MARCHF8: variants seen among roughly 807,000 people sequenced by gnomAD.
MARCHF8 encodes the protein membrane associated ring-CH-type finger 8.
A neutral mutation model predicts 51.6 loss-of-function variants in MARCHF8; 40 were observed. The ratio of observed to expected loss-of-function variants is 0.77; its 90% CI spans 0.60 to 1.01. MARCHF8 has a LOEUF of 1.01. Ranked by LOEUF, MARCHF8 falls within the 50% of genes least tolerant of loss-of-function variation. The pLI, the probability that MARCHF8 is intolerant of heterozygous loss-of-function variation, is 0.00. For missense variants in MARCHF8, 685 were observed against 708.6 expected (o/e 0.97, Z 0.38); for synonymous variants, 263 against 280.3 (o/e 0.94, Z 0.62).
chr10:45,555,919 G>C (rs1057152442), intron 1 of MARCHF8, among the ~76,000 whole-genome samples: 9 of 151,978 alleles, frequency 5.9e-5, no homozygotes, highest in Non-Finnish European at 1.0e-4. Flanking sequence ...TATACCTCTG[G>C]GTAACTGAAC....
intron 2 of MARCHF8, among the ~76,000 whole-genome samples, chr10:45,521,930 T>C (rs1051124898): frequency 4.6e-5 from 7 of 152,184 alleles, no homozygotes; most frequent in Non-Finnish European, 2.9e-5. Flanking sequence ...TGTAATTCTA[T>C]CATTATTATC....
At chr10:45,578,391 A>G (rs763902490) in intron 1 of MARCHF8, among the ~76,000 whole-genome samples, 4 of 152,226 alleles carry the variant, frequency 2.6e-5, no homozygotes, top group Non-Finnish European at 5.9e-5. Context: ...TAATAACAGT[A>G]ATGAGTTACA....
At chr10:45,577,415 T>C (rs1445743645) in intron 1 of MARCHF8, among the ~76,000 whole-genome samples, 1 of 152,078 alleles carries the variant, frequency 6.6e-6, no homozygotes, top group Non-Finnish European at 1.5e-5. Flanking sequence ...AGGGGATGTA[T>C]ACCCTATTTG....
At chr10:45,511,542 C>T (rs1399486716) in intron 2 of MARCHF8, among the ~76,000 whole-genome samples, 11 of 152,236 alleles carry the variant, frequency 7.2e-5, no homozygotes, top group African/African-American at 2.7e-4. Flanking sequence ...CGAGTGCCTG[C>T]GATTACAGGC....
Position 45,489,436 on chromosome 10 carries a change from G to C in MARCHF8, c.103-19C>G. 6.3e-7 allele frequency: 1 copy of C among 1,599,852 alleles called. No individual in the cohort carries two copies. Among genetic ancestry groups the C allele is most frequent in the Non-Finnish European group, 8.5e-7 (1 of 1,169,880 alleles). On this transcript the variant is annotated intron_variant, in intron 2 of 7. Coordinates refer to ENST00000453424, the MANE Select transcript of MARCHF8 (RefSeq NM_001282866.2). ...TCTCATTCTGCAAGAAAATCAAACA[G>C]GTTTTAATTATCAATCTTTGATTAA...
chr10:45,512,608 TCAGCCCCCCGCC>T (rs1472724703), intron 2 of MARCHF8, among the ~76,000 whole-genome samples: 19 of 138,290 alleles, frequency 1.4e-4, no homozygotes, highest in African/African-American at 5.2e-4. Context: ...GGTGGGGGGG[TCAGCCCCCCGCC>T]CGGCCAGCCG....
chr10:45,593,666 T>C (rs2133454202), intron 1 of MARCHF8: 1 of 152,336 alleles, frequency 6.6e-6, no homozygotes, highest in East Asian at 1.9e-4. Context: ...ATTATAAACA[T>C]ACACTTACTT....
intron 3 of MARCHF8, among the ~76,000 whole-genome samples, chr10:45,485,059 GGAT>G (rs1449451414): frequency 6.6e-6 from 1 of 152,172 alleles, no homozygotes; most frequent in African/African-American, 2.4e-5. Flanking sequence ...GAAGTGGCTG[GGAT>G]GATGAAGAGG....
At chr10:45,495,600 G>C (rs1053065922) in intron 2 of MARCHF8, among the ~76,000 whole-genome samples, 1 of 151,842 alleles carries the variant, frequency 6.6e-6, no homozygotes, top group Admixed American at 6.6e-5. Flanking sequence ...CCTCTTCAAC[G>C]GTTTACTCCC....
chr10:45,521,947 A>T (rs1229738524), intron 2 of MARCHF8, among the ~76,000 whole-genome samples: 2 of 152,190 alleles, frequency 1.3e-5, no homozygotes, highest in African/African-American at 4.8e-5. Context: ...TATCTAATAT[A>T]TAGAAAATAT....
At chr10:45,468,979 C>T (rs1239175036) in intron 3 of MARCHF8, among the ~76,000 whole-genome samples, 3 of 152,132 alleles carry the variant, frequency 2.0e-5, no homozygotes. Flanking sequence ...TTCATCCTCA[C>T]ACACCTGCGG....
intron 3 of MARCHF8, among the ~76,000 whole-genome samples, chr10:45,477,803 A>G (rs1262121517): frequency 6.6e-6 from 1 of 152,244 alleles, no homozygotes; most frequent in African/African-American, 2.4e-5. Flanking sequence ...TTTAAGTCAA[A>G]AACAGTAAAA....
chr10:45,594,825 G>C (rs1423809282), exon 1 of MARCHF8: 1 of 152,544 alleles, frequency 6.6e-6, no homozygotes, highest in South Asian at 2.1e-4. Flanking sequence ...GAGCATGCCC[G>C]AGACGTGGAC....
At chr10:45,482,733 C>A (rs547966681) in intron 3 of MARCHF8, among the ~76,000 whole-genome samples, 17 of 152,156 alleles carry the variant, frequency 1.1e-4, no homozygotes, top group Non-Finnish European at 2.4e-4. Context: ...CCAGCCTGGG[C>A]GACAGAGCAA....
chr10:45,537,817 G>A (rs2043995075), upstream of MARCHF8, among the ~76,000 whole-genome samples: 2 of 152,136 alleles, frequency 1.3e-5, no homozygotes, highest in Admixed American at 1.3e-4. Context: ...GGGTAAACGG[G>A]AGGAAGCAGT....
intron 1 of MARCHF8, among the ~76,000 whole-genome samples, chr10:45,579,997 C>T (rs896605552): frequency 1.6e-5 from 2 of 124,414 alleles, no homozygotes; most frequent in African/African-American, 6.2e-5. Flanking sequence ...TGAAAGACTC[C>T]GTCTCCAAAA....
Position 45,463,282 on chromosome 10 carries a change from T to C in MARCHF8, c.957A>G (p.Ala319=). 6.4e-7 allele frequency: 1 copy of C among 1,551,000 alleles called. No individual in the cohort carries two copies. The highest frequency in any genetic ancestry group is 8.7e-7 in the Non-Finnish European group (1 of 1,147,088). The change falls in exon 5 of 8, where the codon GCA becomes GCG. Residue 319 remains alanine, a synonymous_variant. Transcript: ENST00000453424. ...DDDVFEDSTS[A]KLKSRVLRAP... ...CCCGCAGAACCCTACTCTTCAGTTT[T>C]GCAGATGTGCTGTCCTCAAAGACAT...
intron 1 of MARCHF8, among the ~76,000 whole-genome samples, chr10:45,582,319 A>G (rs1277201106): frequency 6.6e-6 from 1 of 152,208 alleles, no homozygotes; most frequent in African/African-American, 2.4e-5. Flanking sequence ...AACTACAGCT[A>G]TTAGTTTTGA....
chr10:45,523,077 G>GA (rs60470150), intron 2 of MARCHF8, among the ~76,000 whole-genome samples: 13 of 121,772 alleles, frequency 1.1e-4, no homozygotes, highest in South Asian at 2.5e-4. Context: ...AAACAATATG[G>GA]AAAAAAATAT....
Sources: gnomAD v4.1 joint callset for allele counts (sites outside exome capture counted in the v4.1 genomes callset) on GRCh38, gnomAD v4.1.1 for gene constraint, MANE v1.5 for transcripts, NCBI Gene and HGNC (gene_info 2026-07-23, HGNC 2026-07-21) for gene names.